PLXNA4: variants seen among roughly 807,000 people sequenced by gnomAD.
PLXNA4 encodes plexin-A4.
A neutral mutation model predicts 191.8 loss-of-function variants in PLXNA4; 44 were observed. The ratio of observed to expected loss-of-function variants is 0.23; its 90% CI spans 0.18 to 0.29. PLXNA4 has a LOEUF of 0.29. PLXNA4 is among the 10% of genes least tolerant of loss of function. PLXNA4 has a pLI of 1.00. For missense variants in PLXNA4, 1,800 were observed against 2,488.8 expected (o/e 0.72, Z 5.89); for synonymous variants, 1,082 against 1,009.5 (o/e 1.07, Z -1.36).
chr7:132,230,642 A>G (rs1056695349), intron 5 of PLXNA4, among the ~76,000 whole-genome samples: 2 of 152,076 alleles, frequency 1.3e-5, no homozygotes, highest in African/African-American at 4.8e-5. Context: ...GGACTCCATT[A>G]CCTTCAGCCA....
intron 2 of PLXNA4, among the ~76,000 whole-genome samples, chr7:132,585,930 A>C (rs564968464): frequency 6.6e-6 from 1 of 152,352 alleles, no homozygotes; most frequent in East Asian, 1.9e-4. Context: ...TTTAGTCCAT[A>C]GCAATCACGA....
intron 3 of PLXNA4, among the ~76,000 whole-genome samples, chr7:132,376,805 C>T (rs1468063364): frequency 6.6e-6 from 1 of 152,182 alleles, no homozygotes; most frequent in African/African-American, 2.4e-5. Context: ...ACGGGGCAGC[C>T]ATCACTCCTG....
chr7:132,193,269 C>T (rs1797150377), intron 14 of PLXNA4, among the ~76,000 whole-genome samples: 1 of 152,188 alleles, frequency 6.6e-6, no homozygotes, highest in Non-Finnish European at 1.5e-5. Flanking sequence ...TGCTCTCTTG[C>T]ACACAGTCTC....
At chr7:132,230,771 T>C (rs954582439) in intron 5 of PLXNA4, among the ~76,000 whole-genome samples, 2 of 152,194 alleles carry the variant, frequency 1.3e-5, no homozygotes, top group African/African-American at 4.8e-5. Flanking sequence ...ATTCACTGAC[T>C]CCCCAACTTT....
chr7:132,211,608 G>C (rs1185540786), intron 9 of PLXNA4, among the ~76,000 whole-genome samples: 1 of 152,232 alleles, frequency 6.6e-6, no homozygotes, highest in Non-Finnish European at 1.5e-5. Context: ...CCTGGAATGT[G>C]AGTCTTGACT....
At chr7:132,431,245 G>A (rs1795248207) in intron 3 of PLXNA4, among the ~76,000 whole-genome samples, 1 of 152,172 alleles carries the variant, frequency 6.6e-6, no homozygotes, top group African/African-American at 2.4e-5. Flanking sequence ...AGGAGTCCCA[G>A]TCAGGCCAGA....
At chr7:132,271,253 T>C (rs2116327396) in intron 4 of PLXNA4, 1 of 152,248 alleles carries the variant, frequency 6.6e-6, no homozygotes, top group East Asian at 1.9e-4. Context: ...AGAAATAAAA[T>C]GTTATGTGTT....
intron 4 of PLXNA4, among the ~76,000 whole-genome samples, chr7:132,296,839 G>A (rs186227831): frequency 1.3e-5 from 2 of 152,078 alleles, no homozygotes; most frequent in East Asian, 1.9e-4. Context: ...GCTCCATCTC[G>A]GTAGTCTCCC....
Position 132,146,806 on chromosome 7 carries a change from A to G in PLXNA4, c.4865-106T>C. 3 of 1,541,426 alleles carry G rather than the reference A, an allele frequency of 1.9e-6. No individual in the cohort carries two copies. The South Asian group carries it at 3.8e-5, about 20-fold the overall frequency. ...GGCAGAAGCCAACGACTGTCTGATC[A>G]TTCCTGCCATTGGTCGGTGCTGTCA... On this transcript the variant is annotated intron_variant, in intron 27 of 31. Transcript: ENST00000321063.
chr7:132,597,109 C>A (rs1802724981), intron 2 of PLXNA4, among the ~76,000 whole-genome samples: 1 of 152,194 alleles, frequency 6.6e-6, no homozygotes, highest in African/African-American at 2.4e-5. Context: ...CAGCCCGGTG[C>A]TATGGGCTTT....
intron 3 of PLXNA4, among the ~76,000 whole-genome samples, chr7:132,438,574 A>G (rs1177035801): frequency 6.6e-6 from 1 of 152,252 alleles, no homozygotes; most frequent in Non-Finnish European, 1.5e-5. Flanking sequence ...TCTCAGTATT[A>G]GTCTAACATA....
At chr7:132,176,334 A>G (rs1467474479) in intron 20 of PLXNA4, among the ~76,000 whole-genome samples, 3 of 152,194 alleles carry the variant, frequency 2.0e-5, no homozygotes, top group African/African-American at 7.2e-5. Flanking sequence ...AATGCATCCA[A>G]GTGGAGCCTG....
intron 1 of PLXNA4, among the ~76,000 whole-genome samples, chr7:132,647,640 C>T (rs1803902173): frequency 6.6e-6 from 1 of 151,898 alleles, no homozygotes; most frequent in Non-Finnish European, 1.5e-5. Context: ...ATCATACACA[C>T]ATACACACTC....
intron 4 of PLXNA4, among the ~76,000 whole-genome samples, chr7:132,264,758 C>T (rs1389205808): frequency 1.1e-4 from 17 of 150,852 alleles, no homozygotes; most frequent in South Asian, 2.1e-4. Context: ...AGTGCAATGG[C>T]GCCATCTCGG....
rs543231321 is a variant in PLXNA4, at chr7:132,524,565, T to G, written c.-86-15786A>C. Among the ~76,000 whole-genome samples the G allele has an allele frequency of 3.9e-5, 6 of 152,312 alleles. No homozygotes were observed. The East Asian group carries it at 1.2e-3, about 29-fold the overall frequency. Reference sequence around the variant, plus strand: ...AGGCTGAAATCAAAATAACTCACACTAAGAGCAAGACTTTTTTTTGTTGTT... The same window carrying G: ...AGGCTGAAATCAAAATAACTCACACGAAGAGCAAGACTTTTTTTTGTTGTT... On this transcript the variant is annotated intron_variant, in intron 1 of 31. Transcript: ENST00000321063.
chr7:132,202,090 C>T (rs939205880), intron 12 of PLXNA4, among the ~76,000 whole-genome samples: 3 of 152,172 alleles, frequency 2.0e-5, no homozygotes, highest in African/African-American at 4.8e-5. Context: ...CCAGTGTCTG[C>T]GTGTTTGGCT....
chr7:132,181,956 C>A (rs1263982370), intron 17 of PLXNA4, 141 bp downstream of exon 17: 1 of 1,365,536 alleles, frequency 7.3e-7, no homozygotes, highest in Admixed American at 2.0e-5. Flanking sequence ...ATTCCACTAT[C>A]CTAGTATTCA....
intron 1 of PLXNA4, among the ~76,000 whole-genome samples, chr7:132,546,292 A>G (rs1020515165): frequency 2.6e-5 from 4 of 152,210 alleles, no homozygotes; most frequent in Non-Finnish European, 5.9e-5. Flanking sequence ...AGCATCTAAG[A>G]AAGGACAAGT....
At chr7:132,310,622 T>C (rs1385464015) in intron 3 of PLXNA4, among the ~76,000 whole-genome samples, 1 of 152,198 alleles carries the variant, frequency 6.6e-6, no homozygotes, top group Non-Finnish European at 1.5e-5. Context: ...CCCATCATCA[T>C]CCTGTCTGCA....
Sources: allele counts gnomAD v4.1 joint callset (sites outside exome capture counted in the v4.1 genomes callset), GRCh38; gene constraint gnomAD v4.1.1; transcripts MANE v1.5; gene names NCBI Gene and HGNC (gene_info 2026-07-23, HGNC 2026-07-21).